UNC13C: variants seen among roughly 807,000 people sequenced by gnomAD.
The protein encoded by UNC13C is protein unc-13 homolog C.
Under a neutral mutation model 245.4 loss-of-function variants are expected in UNC13C, and 174 were observed. The observed-to-expected ratio is 0.71, with a 90% CI of 0.63 to 0.80. The LOEUF (loss-of-function observed/expected upper bound fraction) is 0.80. UNC13C is among the 30% of genes least tolerant of loss of function. The pLI is 0.00. For synonymous variants in UNC13C, 992 were observed against 895.1 expected, an observed-to-expected ratio of 1.11 and a Z score of -1.93; for missense variants, 2,829 against 2,602.9, an observed-to-expected ratio of 1.09 and a Z score of -1.89.
chr15:54,439,529 A>G (rs936501518), intron 19 of UNC13C, among the ~76,000 whole-genome samples: 1 of 152,018 alleles, frequency 6.6e-6, no homozygotes, highest in Admixed American at 6.6e-5. Context: ...CTACAATCCT[A>G]TTCTCTAGTC....
At chr15:53,966,655 T>A in the UNC13C span, among the ~76,000 whole-genome samples, 9 of 152,272 alleles carry the variant, frequency 5.9e-5, no homozygotes, top group East Asian at 1.7e-3. Flanking sequence ...CTTAATCTTT[T>A]TTTTTGTCTG....
intron 13 of UNC13C, among the ~76,000 whole-genome samples, chr15:54,306,824 C>T (rs2037738079): frequency 1.3e-5 from 2 of 151,944 alleles, no homozygotes; most frequent in South Asian, 4.1e-4. Context: ...TACCCTGGCA[C>T]TGACCATCTT....
At chr15:53,965,150 G>A in the UNC13C span, among the ~76,000 whole-genome samples, 1 of 152,258 alleles carries the variant, frequency 6.6e-6, no homozygotes, top group South Asian at 2.1e-4. Context: ...ATAAGACGAT[G>A]TGAACTATGT....
chr15:54,615,492 G>C (rs1338706652), intron 30 of UNC13C, among the ~76,000 whole-genome samples: 1 of 151,962 alleles, frequency 6.6e-6, no homozygotes, highest in East Asian at 1.9e-4. Context: ...TTATTCCCTA[G>C]TCTCTTCCTG....
chr15:54,363,007 C>G (rs559393446), intron 17 of UNC13C, among the ~76,000 whole-genome samples: 4 of 152,294 alleles, frequency 2.6e-5, no homozygotes, highest in African/African-American at 7.2e-5. Flanking sequence ...AAAAGCCCCA[C>G]AAGTGCAAGA....
In UNC13C at chr15:54,311,414, A is replaced by G. The variant is rs565310997; in HGVS notation, c.4269-10525A>G. Among the ~76,000 whole-genome samples, 55 of 151,876 alleles carry G rather than the reference A, an allele frequency of 3.6e-4. No homozygotes were observed. The Middle Eastern group carries it at 0.01, about 28-fold the overall frequency. On this transcript the variant is annotated intron_variant, in intron 13 of 32. Transcript: ENST00000260323. ...TACATTTCCTTTCAATCAAACAACA[A>G]AAGTTTTGCTGATTAATTAGCTCAC...
intron 11 of UNC13C, among the ~76,000 whole-genome samples, chr15:54,295,345 C>A (rs1051220682): frequency 2.6e-5 from 4 of 152,130 alleles, no homozygotes; most frequent in Admixed American, 6.6e-5. Flanking sequence ...CCAATGTATT[C>A]TTTTAACAAA....
At chr15:53,866,839 A>T in the UNC13C span, among the ~76,000 whole-genome samples, 1 of 152,350 alleles carries the variant, frequency 6.6e-6, no homozygotes, top group East Asian at 1.9e-4. Flanking sequence ...CTTTTCTTAC[A>T]TATGAACACA....
intron 4 of UNC13C, among the ~76,000 whole-genome samples, chr15:54,226,749 T>C (rs982252865): frequency 3.3e-5 from 5 of 152,178 alleles, no homozygotes; most frequent in African/African-American, 7.2e-5. Flanking sequence ...ATGTTGGCTC[T>C]GTGAGAAGGT....
intron 2 of UNC13C, among the ~76,000 whole-genome samples, chr15:54,068,093 T>A (rs951183961): frequency 6.6e-6 from 1 of 152,120 alleles, no homozygotes; most frequent in African/African-American, 2.4e-5. Context: ...GGTGACTGAT[T>A]TTTCAGGAGG....
At chr15:54,473,096 A>T (rs76038945) in intron 19 of UNC13C, among the ~76,000 whole-genome samples, 2 of 151,904 alleles carry the variant, frequency 1.3e-5, no homozygotes, top group Admixed American at 1.3e-4. Flanking sequence ...GCTCCCACTA[A>T]AAGTGAGAAC....
intron 17 of UNC13C, among the ~76,000 whole-genome samples, chr15:54,390,035 T>C (rs2039921851): frequency 6.6e-6 from 1 of 152,184 alleles, no homozygotes; most frequent in African/African-American, 2.4e-5. Flanking sequence ...GGCCCGTCTT[T>C]GCATTTTTCT....
At chr15:54,515,532 T>G (rs1212354443) in intron 24 of UNC13C, among the ~76,000 whole-genome samples, 1 of 152,138 alleles carries the variant, frequency 6.6e-6, no homozygotes, top group Non-Finnish European at 1.5e-5. Context: ...TATATACAGG[T>G]ATATGAAAAA....
intron 2 of UNC13C, among the ~76,000 whole-genome samples, chr15:54,075,214 G>C (rs557609172): frequency 7.9e-5 from 12 of 152,072 alleles, no homozygotes; most frequent in Admixed American, 7.2e-4. Flanking sequence ...GGCCGGGCGC[G>C]GTGGCTCATG....
At chr15:54,504,622 C>A (rs1163283633) in intron 22 of UNC13C, among the ~76,000 whole-genome samples, 1 of 152,126 alleles carries the variant, frequency 6.6e-6, no homozygotes, top group African/African-American at 2.4e-5. Context: ...AAATGGGAGA[C>A]CCTATCTTAT....
chr15:54,297,074 G>C (rs2037456147), intron 11 of UNC13C, among the ~76,000 whole-genome samples: 1 of 152,110 alleles, frequency 6.6e-6, no homozygotes, highest in Non-Finnish European at 1.5e-5. Context: ...TTATAAACCA[G>C]AACTTTGGCT....
intron 19 of UNC13C, among the ~76,000 whole-genome samples, chr15:54,419,548 G>A (rs2040594684): frequency 6.6e-6 from 1 of 152,092 alleles, no homozygotes. Flanking sequence ...TCAGGATATG[G>A]AGACTTACCT....
intron 30 of UNC13C, among the ~76,000 whole-genome samples, chr15:54,603,315 G>A (rs1899550209): frequency 6.6e-6 from 1 of 152,126 alleles, no homozygotes; most frequent in South Asian, 2.1e-4. Flanking sequence ...CATTTTGAAG[G>A]TATTGATTCC....
At chr15:54,591,690 A>T (rs778125911) in intron 30 of UNC13C, among the ~76,000 whole-genome samples, 6 of 151,924 alleles carry the variant, frequency 3.9e-5, no homozygotes, top group Non-Finnish European at 8.8e-5. Context: ...TTTCTTGGTT[A>T]ATCTTGCTAA....
Sources: allele counts gnomAD v4.1 joint callset (sites outside exome capture counted in the v4.1 genomes callset), GRCh38; gene constraint gnomAD v4.1.1; transcripts MANE v1.5; gene names NCBI Gene and HGNC (gene_info 2026-07-23, HGNC 2026-07-21).